The following RBFOX3 variants were observed in gnomAD, a reference collection of about 807,000 sequenced individuals.
RBFOX3 encodes RNA binding protein fox-1 homolog 3.
RBFOX3 carries 17 observed loss-of-function variants against 48.7 expected under a neutral mutation model. The ratio of observed to expected loss-of-function variants is 0.35; its 90% CI spans 0.24 to 0.52. The LOEUF is 0.52. Among genes scored for constraint, RBFOX3 ranks in the 20% least tolerant of loss-of-function variants. The pLI is 0.94. For missense variants in RBFOX3, 382 were observed against 497.5 expected (o/e 0.77, Z 2.21); for synonymous variants, 212 against 209.5 (o/e 1.01, Z -0.10).
chr17:79,477,177 G>A lies in RBFOX3; in HGVS notation c.-175+5277C>T, dbSNP rs2077935143. 1.3e-5 allele frequency among the ~76,000 whole-genome samples: 2 copies of A among 149,858 alleles called. No individual in the cohort carries two copies. Among genetic ancestry groups the A allele is most frequent in the African/African-American group, 2.5e-5 (1 of 40,702 alleles). On this transcript the variant is annotated intron_variant, in intron 2 of 14. Transcript: ENST00000693108. This position sits in a 1 kb window ranked among gnomAD's most constrained non-coding sequence, Gnocchi z 4.8. The stretch of plus-strand genomic sequence containing the variant: ...AAACCCAGGAGGTAGAGGTTGCAGT[G>A]AGCTGAGATCGCGCCACTGCACTCC...
At chr17:79,472,899 A>G (rs1279628325) in intron 2 of RBFOX3, among the ~76,000 whole-genome samples, 1 of 152,100 alleles carries the variant, frequency 6.6e-6, no homozygotes. Context: ...CTGGACCTAC[A>G]TTTTTGTTTC....
At chr17:79,143,002 C>T (rs2042213569) in intron 4 of RBFOX3, among the ~76,000 whole-genome samples, 1 of 152,078 alleles carries the variant, frequency 6.6e-6, no homozygotes, top group African/African-American at 2.4e-5. Flanking sequence ...ACAGGGACAT[C>T]CTGGTGCACG....
At chr17:79,571,862 T>G (rs1004884287) in intron 1 of RBFOX3, among the ~76,000 whole-genome samples, 2 of 151,812 alleles carry the variant, frequency 1.3e-5, no homozygotes, top group African/African-American at 4.8e-5. Context: ...GTGGCGACAA[T>G]AGAATGGGCA....
intron 2 of RBFOX3, among the ~76,000 whole-genome samples, chr17:79,375,881 C>T (rs192905628): frequency 2.6e-5 from 4 of 152,288 alleles, no homozygotes; most frequent in East Asian, 1.9e-4. Context: ...TGTGTGGCCT[C>T]GGGCAAGTTA....
In RBFOX3 at chr17:79,430,269, CAAATAAAT is replaced by C. The variant is rs56370699; in HGVS notation, c.-175+52177_-175+52184del. 4.6e-3 allele frequency among the ~76,000 whole-genome samples: 663 copies of C among 144,014 alleles called. 7 individuals are homozygous for C. Among genetic ancestry groups the C allele is most frequent in the Middle Eastern group, 0.028 (8 of 286 alleles). The allele number at this position is 144,014 out of a possible 152,430, so 94.5% of individuals were successfully genotyped here. A position where few individuals can be genotyped will look rare whatever the true frequency, so the allele number is the denominator to read the frequency against. ...GAGTGAACCTGTCTAAAACATCTTC[CAAATAAAT>C]AAATAAATAAATAAATAAATAAATA... is the stretch of plus-strand genomic sequence containing the variant. On this transcript the variant is annotated intron_variant, in intron 2 of 14. Transcript: ENST00000693108.
chr17:79,143,909 C>G (rs966162491), intron 4 of RBFOX3, among the ~76,000 whole-genome samples: 4 of 152,246 alleles, frequency 2.6e-5, no homozygotes, highest in African/African-American at 9.6e-5. Context: ...ACGGCCACCC[C>G]TGTTCCTATT....
intron 1 of RBFOX3, among the ~76,000 whole-genome samples, chr17:79,510,295 G>A (rs897807655): frequency 3.9e-5 from 6 of 152,124 alleles, no homozygotes. Context: ...GCCCTGTCCC[G>A]CCAAGCCCCC....
At chr17:79,159,319 TCA>T (rs1406050853) in intron 4 of RBFOX3, among the ~76,000 whole-genome samples, 1 of 152,102 alleles carries the variant, frequency 6.6e-6, no homozygotes, top group Non-Finnish European at 1.5e-5. Context: ...CGGTTCCTCC[TCA>T]CAGATTCTAT....
rs189551991 is a variant in RBFOX3 at position 79,316,994 on chromosome 17, G to A, written c.-174-9170C>T. On this transcript the variant is annotated intron_variant, in intron 2 of 14. Coordinates refer to ENST00000693108, the MANE Select transcript of RBFOX3 (RefSeq NM_001350451.2). ...CTCACCCGCAAATGTGCATGTGCACGCACACACACAGATGTGCACGGACAC... is the reference window on the plus strand; with the variant it reads ...CTCACCCGCAAATGTGCATGTGCACACACACACACAGATGTGCACGGACAC... Among the ~76,000 whole-genome samples the A allele has an allele frequency of 1.6e-4, 24 of 152,202 alleles. No homozygotes were observed. In the East Asian group the frequency reaches 1.9e-3, roughly 12 times the overall value.
intron 4 of RBFOX3, among the ~76,000 whole-genome samples, chr17:79,200,726 CT>C (rs2056622601): frequency 6.6e-6 from 1 of 152,158 alleles, no homozygotes; most frequent in Non-Finnish European, 1.5e-5. Context: ...CAAACGAGAA[CT>C]TTGCATGGAG....
At chr17:79,630,224 G>A in the RBFOX3 span, among the ~76,000 whole-genome samples, 2 of 152,330 alleles carry the variant, frequency 1.3e-5, no homozygotes, top group South Asian at 4.1e-4. Context: ...ACCCCGCAGA[G>A]TCTCAGGCCT....
chr17:79,304,398 T>G lies in RBFOX3; in HGVS notation c.-74+3326A>C, dbSNP rs1483776301. 3.3e-5 allele frequency among the ~76,000 whole-genome samples: 5 copies of G among 150,194 alleles called. No individual in the cohort carries two copies. The East Asian group carries it at 9.7e-4, about 29-fold the overall frequency. ...TATGTACATATATTTGTATATAATG[T>G]AAATATATGCATATATGTACATATA... On this transcript the variant is annotated intron_variant, in intron 3 of 14. Transcript: ENST00000693108.
At chr17:79,235,390 G>C (rs557553810) in intron 4 of RBFOX3, 2 of 152,408 alleles carry the variant, frequency 1.3e-5, no homozygotes, top group South Asian at 4.1e-4. Flanking sequence ...GGAGCACCTG[G>C]GGTGGGGGAC....
chr17:79,487,788 G>A (rs1261908827), intron 1 of RBFOX3, among the ~76,000 whole-genome samples: 1 of 151,854 alleles, frequency 6.6e-6, no homozygotes, highest in Non-Finnish European at 1.5e-5. Flanking sequence ...GCAGGCGCCT[G>A]TAGTCCCAGC....
At chr17:79,486,553 G>A (rs112962614) in intron 1 of RBFOX3, among the ~76,000 whole-genome samples, 2,014 of 152,240 alleles carry the variant, frequency 0.013, 44 homozygotes, top group African/African-American at 0.046. Flanking sequence ...GCTCACATAT[G>A]CACACGAGCA....
intron 2 of RBFOX3, among the ~76,000 whole-genome samples, chr17:79,449,434 C>T (rs2073030291): frequency 6.6e-6 from 1 of 152,060 alleles, no homozygotes; most frequent in Non-Finnish European, 1.5e-5. Context: ...TGCAAAATTT[C>T]CTGGGCTCTC....
At chr17:79,259,822 G>A (rs894370662) in intron 3 of RBFOX3, among the ~76,000 whole-genome samples, 1 of 152,172 alleles carries the variant, frequency 6.6e-6, no homozygotes, top group Non-Finnish European at 1.5e-5. Context: ...GCCATTCTCA[G>A]TACTGGGCAG....
At chr17:79,584,615 C>T in intron 1 of RBFOX3, among the ~76,000 whole-genome samples, 1 of 152,040 alleles carries the variant, frequency 6.6e-6, no homozygotes, top group Non-Finnish European at 1.5e-5. Context: ...TAATGGCATT[C>T]ACAGCGACGT....
rs1413134696 is a variant in RBFOX3 at position 79,212,006 on chromosome 17, A to G, written c.-34+23760T>C. 1.3e-5 allele frequency among the ~76,000 whole-genome samples: 2 copies of G among 152,178 alleles called. No homozygotes were observed. The highest frequency in any genetic ancestry group is 2.9e-5 in the Non-Finnish European group (2 of 68,020). ...GGCCCAGGAGGTTGTGGCCAGGCCA[A>G]GCTCCCGAAAGCTCTGGTCTCCTGG... On this transcript the variant is annotated intron_variant, in intron 4 of 14. Transcript: ENST00000693108. This position sits in a 1 kb window ranked among gnomAD's most constrained non-coding sequence, Gnocchi z 4.7.
Sources: gnomAD v4.1 joint callset for allele counts (sites outside exome capture counted in the v4.1 genomes callset) on GRCh38, gnomAD v4.1.1 for gene constraint, Gnocchi (gnomAD v3.1) non-coding constraint, MANE v1.5 for transcripts, NCBI Gene and HGNC (gene_info 2026-07-23, HGNC 2026-07-21) for gene names.